Variants in MTFR1 observed in about 807,000 individuals in gnomAD.
MTFR1 encodes mitochondrial fission regulator 1.
In MTFR1, 28 loss-of-function variants were observed where a neutral mutation model predicts 38.8. The observed-to-expected ratio is 0.72, with a 90% CI of 0.53 to 0.99. The LOEUF (loss-of-function observed/expected upper bound fraction) is 0.99, where lower values mean the gene tolerates loss of function less well. MTFR1 is among the 50% of genes least tolerant of loss of function. MTFR1 has a pLI of 0.00. For synonymous variants in MTFR1, 145 were observed against 137.0 expected, an observed-to-expected ratio of 1.06 and a Z score of -0.41; for missense variants, 358 against 395.5, an observed-to-expected ratio of 0.91 and a Z score of 0.81.
At chr8:65,694,072 C>CTTTT (rs773434384) in intron 4 of MTFR1, among the ~76,000 whole-genome samples, 6 of 109,650 alleles carry the variant, frequency 5.5e-5, no homozygotes, top group South Asian at 3.2e-4. Flanking sequence ...CTGGCTAATT[C>CTTTT]TTTTTTTTTT....
intron 3 of MTFR1, among the ~76,000 whole-genome samples, chr8:65,691,763 C>T (rs1272478806): frequency 6.6e-6 from 1 of 152,164 alleles, no homozygotes; most frequent in African/African-American, 2.4e-5. Context: ...GATTCTCATG[C>T]CTCAGCCACC....
At chr8:65,713,439 A>AACACAC (rs144454204), downstream of MTFR1, among the ~76,000 whole-genome samples, 7,635 of 137,416 alleles carry the variant, frequency 0.056, 244 homozygotes, top group East Asian at 0.09. Context: ...TCCCATCTCA[A>AACACAC]ACACACACAC....
intron 4 of MTFR1, among the ~76,000 whole-genome samples, chr8:65,699,018 G>T (rs1805534400): frequency 6.6e-6 from 1 of 152,130 alleles, no homozygotes; most frequent in Non-Finnish European, 1.5e-5. Context: ...GTGAGCTACT[G>T]CGCCCAGCCG....
chr8:65,738,076 A>AAGT, intron 3 of MTFR1, among the ~76,000 whole-genome samples: 1 of 152,294 alleles, frequency 6.6e-6, no homozygotes, highest in African/African-American at 2.4e-5. Flanking sequence ...AGCAAGTCAA[A>AAGT]ATTTTGGGTT....
At chr8:65,665,747 C>A (rs1389720018) in intron 1 of MTFR1, among the ~76,000 whole-genome samples, 1 of 152,232 alleles carries the variant, frequency 6.6e-6, no homozygotes, top group African/African-American at 2.4e-5. Flanking sequence ...CCTCAGCTTC[C>A]TGAGTAACTG....
At chr8:65,645,692 T>TAC (rs1554544272) in intron 1 of MTFR1, among the ~76,000 whole-genome samples, 1 of 83,174 alleles carries the variant, frequency 1.2e-5, no homozygotes, top group Non-Finnish European at 2.2e-5. Context: ...CGCCCGGCTT[T>TAC]CCCCCCCCCC....
At chr8:65,728,443 G>A (rs1460835815) in intron 3 of MTFR1, 2 of 152,072 alleles carry the variant, frequency 1.3e-5, no homozygotes, top group Non-Finnish European at 2.9e-5. Context: ...TGAATCTCCT[G>A]GAAAACTGTA....
rs1216517764 is a variant in MTFR1 at position 65,709,774 on chromosome 8, C to CAAATT, written c.*732_*736dup. 6.5e-6 allele frequency: 1 copy of CAAATT among 152,716 alleles called. No individual in the cohort carries two copies. Among genetic ancestry groups the CAAATT allele is most frequent in the Admixed American group, 6.5e-5 (1 of 15,288 alleles). 9.5% of individuals were successfully genotyped at this position (152,716 alleles called of 1,614,324 possible). On this transcript the variant is annotated 3_prime_UTR_variant, in exon 8 of 8. Coordinates refer to ENST00000262146, the MANE Select transcript of MTFR1 (RefSeq NM_014637.4). ...ATGTAGTTTTCCAGTAGTGATGAAT[C>CAAATT]AAATTATTGAATTAAATTTCTTCTT...
intron 3 of MTFR1, chr8:65,719,593 G>GT: frequency 2.7e-6 from 2 of 748,310 alleles, no homozygotes; most frequent in Non-Finnish European, 4.6e-6. Flanking sequence ...TCCTACTCCA[G>GT]TATTACCCAG....
rs553260839 is a variant in MTFR1, at chr8:65,703,419, G to GTTTTTTTTTTTTTTTTTTTT, written c.282-1262_282-1243dup. 3.9e-5 allele frequency among the ~76,000 whole-genome samples: 2 copies of GTTTTTTTTTTTTTTTTTTTT among 50,940 alleles called. 1 individual carries two copies. Among genetic ancestry groups the GTTTTTTTTTTTTTTTTTTTT allele is most frequent in the Non-Finnish European group, 6.9e-5 (2 of 29,088 alleles). 33.4% of individuals were successfully genotyped at this position (50,940 alleles called of 152,430 possible). A position where few individuals can be genotyped will look rare whatever the true frequency, so the allele number is the denominator to read the frequency against. On this transcript the variant is annotated intron_variant, in intron 4 of 7. Coordinates refer to ENST00000262146, the MANE Select transcript of MTFR1 (RefSeq NM_014637.4). ...GGTACATCCATGCTTGATGTCTCTG[G>GTTTTTTTTTTTTTTTTTTTT]TTTTTTTTTTTTTTTTTTTTTTTTT...
At chr8:65,662,923 C>T (rs892031613) in intron 1 of MTFR1, among the ~76,000 whole-genome samples, 6 of 151,004 alleles carry the variant, frequency 4.0e-5, no homozygotes, top group Non-Finnish European at 7.4e-5. Flanking sequence ...GTCAGCCCCC[C>T]GCCTGGCCAG....
chr8:65,677,386 T>C (rs1311176259), intron 2 of MTFR1, among the ~76,000 whole-genome samples: 6 of 138,576 alleles, frequency 4.3e-5, no homozygotes, highest in Non-Finnish European at 7.7e-5. Flanking sequence ...AGCTGTTTCT[T>C]TTTTTTTTTT....
chr8:65,739,348 A>G (rs948496274), intron 3 of MTFR1, among the ~76,000 whole-genome samples: 11 of 152,332 alleles, frequency 7.2e-5, no homozygotes, highest in African/African-American at 2.6e-4. Context: ...AGCCCCACAG[A>G]TGCAAGAGCT....
intron 2 of MTFR1, chr8:65,679,789 TC>T (rs1804822184): frequency 6.6e-6 from 1 of 152,214 alleles, no homozygotes; most frequent in Non-Finnish European, 1.5e-5. Flanking sequence ...TTTCCCTTAG[TC>T]CTCACGTTAT....
At chr8:65,713,828 C>T (rs559828991), downstream of MTFR1, among the ~76,000 whole-genome samples, 3 of 152,054 alleles carry the variant, frequency 2.0e-5, no homozygotes, top group African/African-American at 4.8e-5. Context: ...GGATTACAGG[C>T]GCACACCACT....
chr8:65,766,862 A>G lies in MTFR1; in HGVS notation c.*49-4085A>G, dbSNP rs143546463. On this transcript the variant is annotated intron_variant, in intron 3 of 3. Transcript: ENST00000521247. Reference sequence around the variant, plus strand: ...CTGTACCTTAATGGGTGTAATACTTAGATATAGGGCAGGTCTGAGGATTAG... The same window carrying G: ...CTGTACCTTAATGGGTGTAATACTTGGATATAGGGCAGGTCTGAGGATTAG... Among the ~76,000 whole-genome samples, 284 of 152,300 alleles carry G rather than the reference A, an allele frequency of 1.9e-3. 3 individuals are homozygous for G. Among genetic ancestry groups the G allele is most frequent in the East Asian group, 0.012 (64 of 5,190 alleles).
At chr8:65,666,284 G>C (rs1207362605) in intron 1 of MTFR1, among the ~76,000 whole-genome samples, 1 of 145,408 alleles carries the variant, frequency 6.9e-6, no homozygotes, top group Admixed American at 6.9e-5. Context: ...GCGCATGCCT[G>C]TAATCCCAGC....
intron 3 of MTFR1, among the ~76,000 whole-genome samples, chr8:65,750,668 GT>G (rs1807903990): frequency 6.6e-6 from 1 of 152,058 alleles, no homozygotes; most frequent in Non-Finnish European, 1.5e-5. Context: ...ACTGTCAATG[GT>G]TAAGTCAATT....
chr8:65,691,676 G>C (rs560544371), intron 3 of MTFR1, among the ~76,000 whole-genome samples: 2 of 151,940 alleles, frequency 1.3e-5, no homozygotes, highest in African/African-American at 2.4e-5. Flanking sequence ...TTGTGACCGA[G>C]TCTTGCTCTG....
Sources: gnomAD v4.1 joint callset for allele counts (sites outside exome capture counted in the v4.1 genomes callset) on GRCh38, gnomAD v4.1.1 for gene constraint, MANE v1.5 for transcripts, NCBI Gene and HGNC (gene_info 2026-07-23, HGNC 2026-07-21) for gene names.